The following MKLN1 variants were observed in gnomAD, a reference collection of about 807,000 sequenced individuals.
MKLN1 encodes the protein muskelin 1.
In MKLN1, 18 loss-of-function variants were observed where a neutral mutation model predicts 99.0. The ratio of observed to expected loss-of-function variants is 0.18; its 90% CI spans 0.13 to 0.27. The LOEUF is 0.27. Among genes scored for constraint, MKLN1 ranks in the 10% least tolerant of loss-of-function variants. MKLN1 has a pLI of 1.00. For missense variants in MKLN1, 621 were observed against 875.9 expected, an observed-to-expected ratio of 0.71 and a Z score of 3.67; for synonymous variants, 288 against 293.2, an observed-to-expected ratio of 0.98 and a Z score of 0.18.
At chr7:131,448,196 C>G (rs1327324202) in intron 12 of MKLN1, among the ~76,000 whole-genome samples, 1 of 152,120 alleles carries the variant, frequency 6.6e-6, no homozygotes, top group Non-Finnish European at 1.5e-5. Context: ...CCACTGCACT[C>G]CACCCTGGGC....
At chr7:131,230,307 G>GT (rs1201493899) in intron 3 of MKLN1, among the ~76,000 whole-genome samples, 2 of 152,120 alleles carry the variant, frequency 1.3e-5, no homozygotes, top group Non-Finnish European at 2.9e-5. Context: ...TGGGAATTCA[G>GT]TTTTTTGGGA....
In MKLN1 at chr7:131,187,778, C is replaced by T. The variant is rs550194984; in HGVS notation, c.-296-15079C>T. Among the ~76,000 whole-genome samples, 31 of 152,158 alleles carry T rather than the reference C, an allele frequency of 2.0e-4. 1 individual carries two copies. Among genetic ancestry groups the T allele is most frequent in the African/African-American group, 6.3e-4 (26 of 41,494 alleles). ...CACTCTGACTGACATGGCGAAACCC[C>T]GTCTCTACTAAAGGTACACACAAAA... On this transcript the variant is annotated intron_variant, in intron 2 of 7. Coordinates refer to the MKLN1 transcript ENST00000416992.
intron 1 of MKLN1, among the ~76,000 whole-genome samples, chr7:131,125,119 G>A (rs1317660209): frequency 6.6e-6 from 1 of 152,150 alleles, no homozygotes; most frequent in African/African-American, 2.4e-5. Flanking sequence ...GGCAACATCA[G>A]TAATGCTTTC....
In MKLN1 at chr7:131,216,354, C is replaced by T. The variant is rs181774142; in HGVS notation, c.-179+13380C>T. On this transcript the variant is annotated intron_variant, in intron 3 of 7. Coordinates refer to the MKLN1 transcript ENST00000416992. ...AGGAGAATCGCTTAAAACCAGGAGG[C>T]GGAGGTTGCAGTGAGCCGACATTGC... is the stretch of plus-strand genomic sequence containing the variant. Among the ~76,000 whole-genome samples, 574 of 149,422 alleles carry T rather than the reference C, an allele frequency of 3.8e-3. 5 individuals carry two copies. Among genetic ancestry groups the T allele is most frequent in the African/African-American group, 0.013 (542 of 40,528 alleles).
At chr7:131,407,525 CT>C (rs1794742847) in intron 6 of MKLN1, among the ~76,000 whole-genome samples, 1 of 151,804 alleles carries the variant, frequency 6.6e-6, no homozygotes, top group South Asian at 2.1e-4. Flanking sequence ...TTTTTAGAAG[CT>C]TCTTGTGAGT....
chr7:131,194,341 T>C (rs375619574), intron 2 of MKLN1, among the ~76,000 whole-genome samples: 17 of 152,320 alleles, frequency 1.1e-4, no homozygotes, highest in East Asian at 9.6e-4. Flanking sequence ...TTTGTGTATT[T>C]ACCTGTTCAG....
chr7:131,163,469 A>G (rs1796083379), intron 2 of MKLN1, among the ~76,000 whole-genome samples: 1 of 152,198 alleles, frequency 6.6e-6, no homozygotes, highest in Admixed American at 6.5e-5. Flanking sequence ...TAACATTCAG[A>G]TTGAGATGGA....
intron 2 of MKLN1, among the ~76,000 whole-genome samples, chr7:131,151,098 G>C (rs561377605): frequency 6.6e-6 from 1 of 152,188 alleles, no homozygotes; most frequent in East Asian, 1.9e-4. Context: ...TTTTCTTTAA[G>C]TGCATCTGCT....
chr7:131,481,888 C>T (rs545350971), intron 17 of MKLN1, among the ~76,000 whole-genome samples: 11 of 150,142 alleles, frequency 7.3e-5, no homozygotes, highest in Non-Finnish European at 1.5e-4. Context: ...TTATGTTCAT[C>T]CCTTAGTGAG....
chr7:131,175,813 T>C (rs1796290096), intron 2 of MKLN1, among the ~76,000 whole-genome samples: 2 of 152,236 alleles, frequency 1.3e-5, no homozygotes, highest in South Asian at 4.1e-4. Flanking sequence ...GGCAGGAGAA[T>C]TGCTTGAACC....
At chr7:131,381,114 A>G (rs921430693) in intron 2 of MKLN1, among the ~76,000 whole-genome samples, 2 of 152,224 alleles carry the variant, frequency 1.3e-5, no homozygotes, top group African/African-American at 2.4e-5. Flanking sequence ...AACTCATATC[A>G]TAATGAGTTT....
chr7:131,260,115 AGCTCACT>A (rs1382182996), intron 3 of MKLN1, among the ~76,000 whole-genome samples: 1 of 151,852 alleles, frequency 6.6e-6, no homozygotes, highest in Admixed American at 6.6e-5. Flanking sequence ...GCACGATCTC[AGCTCACT>A]GCAACCTCTG....
intron 3 of MKLN1, among the ~76,000 whole-genome samples, chr7:131,305,842 A>G (rs946558097): frequency 1.8e-4 from 27 of 152,156 alleles, no homozygotes; most frequent in African/African-American, 5.8e-4. Flanking sequence ...ACCAAACACA[A>G]TGAGTTATTC....
At chr7:131,236,248 C>CT (rs1797319040) in intron 3 of MKLN1, among the ~76,000 whole-genome samples, 1 of 152,078 alleles carries the variant, frequency 6.6e-6, no homozygotes, top group African/African-American at 2.4e-5. Flanking sequence ...AGCTGAGGGT[C>CT]TTTTTTGGTA....
At chr7:131,375,337 C>A in intron 1 of MKLN1, 87 bp from the exon 2 acceptor site, 1 of 839,190 alleles carries the variant, frequency 1.2e-6, no homozygotes, top group Non-Finnish European at 2.0e-6. Flanking sequence ...CATTACATAA[C>A]TTTATGATAA....
intron 2 of MKLN1, among the ~76,000 whole-genome samples, chr7:131,171,535 G>A (rs1796216366): frequency 6.6e-6 from 1 of 151,930 alleles, no homozygotes; most frequent in Non-Finnish European, 1.5e-5. Flanking sequence ...TCAGCTCACT[G>A]CAACCTCTGC....
At chr7:131,161,112 A>G (rs1031685372) in intron 2 of MKLN1, among the ~76,000 whole-genome samples, 1 of 152,086 alleles carries the variant, frequency 6.6e-6, no homozygotes, top group African/African-American at 2.4e-5. Flanking sequence ...GTACCCCTTA[A>G]AGTAACTAAA....
At position 131,187,252 on chromosome 7, in the gene MKLN1, T is replaced by C. The variant is rs149259322; in HGVS notation, c.-296-15605T>C. On this transcript the variant is annotated intron_variant, in intron 2 of 7. Coordinates refer to the MKLN1 transcript ENST00000416992. ...GTCATACTTGCTCTGGTACAAATGC[T>C]ATATACTTTCCTACCGCACAGTCAG... 4.1e-4 allele frequency among the ~76,000 whole-genome samples: 63 copies of C among 152,166 alleles called. No homozygotes were observed. The East Asian group carries it at 0.011, about 26-fold the overall frequency.
chr7:131,205,473 G>A (rs1211746507), intron 3 of MKLN1, among the ~76,000 whole-genome samples: 1 of 152,118 alleles, frequency 6.6e-6, no homozygotes, highest in Non-Finnish European at 1.5e-5. Flanking sequence ...CTACTGTTGA[G>A]TAACAAATTA....
Sources: allele counts gnomAD v4.1 joint callset (sites outside exome capture counted in the v4.1 genomes callset), GRCh38; gene constraint gnomAD v4.1.1; transcripts MANE v1.5; gene names NCBI Gene and HGNC (gene_info 2026-07-23, HGNC 2026-07-21).